GARIN1A: variants seen among roughly 807,000 people sequenced by gnomAD.
GARIN1A encodes the protein Golgi-associated RAB2 interactor protein 1A.
the GARIN1A span, among the ~76,000 whole-genome samples, chr7:128,707,145 C>T: frequency 1.3e-5 from 2 of 151,698 alleles, no homozygotes; most frequent in African/African-American, 2.4e-5. Flanking sequence ...ACCTTACTAC[C>T]ATCAAGGCCA....
chr7:128,698,882 C>T, the GARIN1A span, among the ~76,000 whole-genome samples: 147 of 152,298 alleles, frequency 9.7e-4, no homozygotes, highest in Non-Finnish European at 6.5e-4. Context: ...CCACCGCGCC[C>T]GGCCAATGCC....
At chr7:128,675,750 C>A in the GARIN1A span, 1 of 1,613,800 alleles carries the variant, frequency 6.2e-7, no homozygotes, top group Non-Finnish European at 8.5e-7. Context: ...CTCCTCGGTG[C>A]CCTCCCTGCC....
At chr7:128,671,645 CAA>C in the GARIN1A span, among the ~76,000 whole-genome samples, 305 of 120,254 alleles carry the variant, frequency 2.5e-3, no homozygotes, top group African/African-American at 4.4e-3. Flanking sequence ...AACTCTGTCT[CAA>C]AAAAAAAAAA....
chr7:128,677,504 CAA>C, the GARIN1A span: 85 of 1,272,186 alleles, frequency 6.7e-5, no homozygotes, highest in East Asian at 2.7e-4. Context: ...GACTCCGTCT[CAA>C]AAAAAAAAAA....
chr7:128,692,237 G>A, the GARIN1A span, among the ~76,000 whole-genome samples: 1 of 152,196 alleles, frequency 6.6e-6, no homozygotes, highest in Admixed American at 6.5e-5. Context: ...CCAGCCATAT[G>A]TGTGTACCTG....
the GARIN1A span, among the ~76,000 whole-genome samples, chr7:128,677,046 A>G: frequency 0.35 from 52,755 of 151,522 alleles, 9,435 homozygotes; most frequent in South Asian, 0.45. Context: ...GTGTACTGGC[A>G]TACACCTGTA....
the GARIN1A span, among the ~76,000 whole-genome samples, chr7:128,689,613 G>A: frequency 7.0e-6 from 1 of 141,988 alleles, no homozygotes; most frequent in Non-Finnish European, 1.6e-5. Flanking sequence ...CCCCGTCTGA[G>A]AAGTGAGGAG....
At chr7:128,692,963 A>G in the GARIN1A span, among the ~76,000 whole-genome samples, 1 of 152,230 alleles carries the variant, frequency 6.6e-6, no homozygotes, top group East Asian at 1.9e-4. Context: ...ATTTAAAATG[A>G]ATATTTAGAG....
chr7:128,691,170 T>TG, the GARIN1A span: 41,077 of 151,940 alleles, frequency 0.27, 5,918 homozygotes, highest in East Asian at 0.54. Context: ...ATTTGGGGGA[T>TG]GGGGGAAAGG....
At chr7:128,690,309 T>A in the GARIN1A span, 3 of 170,788 alleles carry the variant, frequency 1.8e-5, no homozygotes, top group African/African-American at 7.2e-5. Context: ...AACCAGACCT[T>A]TGTTCACTTG....
the GARIN1A span, among the ~76,000 whole-genome samples, chr7:128,700,370 A>AT: frequency 6.7e-6 from 1 of 149,804 alleles, no homozygotes; most frequent in Non-Finnish European, 1.5e-5. Flanking sequence ...AACCTGTGCC[A>AT]CCAGGGTTCA....
chr7:128,687,135 CTT>C, the GARIN1A span: 1 of 152,250 alleles, frequency 6.6e-6, no homozygotes, highest in South Asian at 2.1e-4. Flanking sequence ...CCTCATGACA[CTT>C]ATCCTTATTG....
the GARIN1A span, among the ~76,000 whole-genome samples, chr7:128,674,029 GACCACAGGCGTGC>G: frequency 6.6e-6 from 1 of 152,040 alleles, no homozygotes; most frequent in Non-Finnish European, 1.5e-5. Flanking sequence ...GAGTAGCTAG[GACCACAGGCGTGC>G]ACCACCTCGC....
the GARIN1A span, chr7:128,685,730 A>G: frequency 2.0e-5 from 3 of 152,188 alleles, no homozygotes; most frequent in African/African-American, 7.2e-5. Context: ...GTACTTCCAA[A>G]TGCATGCCTG....
chr7:128,683,093 C>G, the GARIN1A span: 3 of 1,612,614 alleles, frequency 1.9e-6, no homozygotes, highest in South Asian at 3.3e-5. Context: ...AACAAGAGGA[C>G]TGGAATGAGC....
the GARIN1A span, chr7:128,680,063 C>T: frequency 2.5e-6 from 4 of 1,579,052 alleles, no homozygotes; most frequent in Non-Finnish European, 3.4e-6. Flanking sequence ...CCCCCCAGCC[C>T]AGCGAGCCCC....
At chr7:128,688,936 G>T in the GARIN1A span, among the ~76,000 whole-genome samples, 2 of 151,136 alleles carry the variant, frequency 1.3e-5, no homozygotes, top group African/African-American at 4.9e-5. Flanking sequence ...GAGTGCCTGC[G>T]ATTGCAGGCG....
chr7:128,682,204 T>C, the GARIN1A span, among the ~76,000 whole-genome samples: 1 of 152,118 alleles, frequency 6.6e-6, no homozygotes, highest in Non-Finnish European at 1.5e-5. Context: ...CCAGCAACTC[T>C]TTACAAAGGA....
the GARIN1A span, among the ~76,000 whole-genome samples, chr7:128,690,212 G>T: frequency 6.6e-6 from 1 of 152,190 alleles, no homozygotes; most frequent in Admixed American, 6.5e-5. Flanking sequence ...AAGGCAGCAT[G>T]CTCGTTAAGA....
Sources: gnomAD v4.1 joint callset for allele counts (sites outside exome capture counted in the v4.1 genomes callset) on GRCh38, gnomAD v4.1.1 for gene constraint, MANE v1.5 for transcripts, NCBI Gene and HGNC (gene_info 2026-07-23, HGNC 2026-07-21) for gene names.